The following TBC1D15 variants were observed in gnomAD, a reference collection of about 807,000 sequenced individuals.
TBC1D15 encodes TBC1 domain family member 15.
A neutral mutation model predicts 95.4 loss-of-function variants in TBC1D15; 39 were observed. The ratio of observed to expected loss-of-function variants is 0.41; its 90% confidence interval spans 0.32 to 0.53. The LOEUF is 0.53. Ranked by LOEUF, TBC1D15 falls within the 20% of genes least tolerant of loss-of-function variation. The pLI is 0.29. For missense variants in TBC1D15, 733 were observed against 794.3 expected, an observed-to-expected ratio of 0.92 and a Z score of 0.93; for synonymous variants, 258 against 261.3, an observed-to-expected ratio of 0.99 and a Z score of 0.12.
At chr12:71,911,287 G>A (rs1007688942) in intron 11 of TBC1D15, among the ~76,000 whole-genome samples, 9 of 152,036 alleles carry the variant, frequency 5.9e-5, no homozygotes, top group African/African-American at 1.9e-4. Context: ...ATACCCAAAG[G>A]ACTATAAATC....
intron 5 of TBC1D15, among the ~76,000 whole-genome samples, chr12:71,890,696 A>G (rs923654528): frequency 2.0e-5 from 3 of 152,064 alleles, no homozygotes; most frequent in African/African-American, 7.2e-5. Flanking sequence ...AGTCTCAACA[A>G]CCCGATCTAG....
At chr12:71,844,462 A>G (rs1885829546) in intron 1 of TBC1D15, among the ~76,000 whole-genome samples, 1 of 152,194 alleles carries the variant, frequency 6.6e-6, no homozygotes, top group Admixed American at 6.5e-5. Flanking sequence ...CTGCTTCCCT[A>G]TACCCTCTAC....
chr12:71,867,126 G>C (rs1449082165), intron 1 of TBC1D15, among the ~76,000 whole-genome samples: 1 of 152,156 alleles, frequency 6.6e-6, no homozygotes, highest in Non-Finnish European at 1.5e-5. Flanking sequence ...TGAGAGTAAG[G>C]GTTTTTGTTT....
intron 6 of TBC1D15, among the ~76,000 whole-genome samples, chr12:71,894,158 C>G (rs1366340930): frequency 6.6e-6 from 1 of 152,030 alleles, no homozygotes; most frequent in Non-Finnish European, 1.5e-5. Flanking sequence ...TCCAGGGTAG[C>G]ACTGTCCCAG....
intron 11 of TBC1D15, among the ~76,000 whole-genome samples, chr12:71,910,578 A>G (rs9668736): frequency 0.33 from 50,297 of 150,628 alleles, 10,215 homozygotes; most frequent in African/African-American, 0.58. Context: ...GGTCCTTCAC[A>G]TCCCTTGTAA....
intron 15 of TBC1D15, 30 bp from the exon 16 acceptor site, chr12:71,921,338 A>C (rs764880886): frequency 2.3e-6 from 3 of 1,322,342 alleles, no homozygotes; most frequent in Non-Finnish European, 3.2e-6. Context: ...TTCAGTTTCG[A>C]TATCATTTTA....
chr12:71,918,272 A>C (rs1904178729), intron 13 of TBC1D15, among the ~76,000 whole-genome samples, 179 bp from the exon 14 acceptor site: 1 of 152,204 alleles, frequency 6.6e-6, no homozygotes, highest in Non-Finnish European at 1.5e-5. Context: ...AAAATGTATT[A>C]TTTGTTAGTT....
intron 13 of TBC1D15, 76 bp downstream of exon 13, chr12:71,917,873 A>T (rs190284257): frequency 9.9e-7 from 1 of 1,012,138 alleles, no homozygotes; most frequent in African/African-American, 1.6e-5. Context: ...GAACTCTTTA[A>T]AGAAGCCAGG....
intron 10 of TBC1D15, among the ~76,000 whole-genome samples, chr12:71,902,524 A>G (rs1899635562): frequency 6.6e-6 from 1 of 152,184 alleles, no homozygotes; most frequent in African/African-American, 2.4e-5. Context: ...CTGGCTAGCT[A>G]TATGCAGAGG....
chr12:71,879,646 A>T (rs1014078438), intron 3 of TBC1D15, among the ~76,000 whole-genome samples: 7 of 152,194 alleles, frequency 4.6e-5, no homozygotes, highest in African/African-American at 1.7e-4. Flanking sequence ...CAAAAAATAG[A>T]AATCTGTCAA....
chr12:71,923,414 A>G lies in TBC1D15; in HGVS notation c.*210A>G, dbSNP rs1334416974. The G allele has an allele frequency of 4.2e-6, 2 of 479,660 alleles. No individual in the cohort carries two copies. Among genetic ancestry groups the G allele is most frequent in the Admixed American group, 7.4e-5 (2 of 26,848 alleles). The allele number at this position is 479,660 out of a possible 1,614,324, so 29.7% of individuals were successfully genotyped here. A position where few individuals can be genotyped will look rare whatever the true frequency, so the allele number is the denominator to read the frequency against. ...CAAATAGCCTTTCCTTTTCGATAAC[A>G]TTCCTCAGTATTTTTATAGCCAAGT... On this transcript the variant is annotated 3_prime_UTR_variant, in exon 17 of 17. Transcript: ENST00000485960.
In TBC1D15 at chr12:71,923,090, T is replaced by A. The variant is rs1360294980; in HGVS notation, c.1911T>A (p.Pro637=). ...EDENVVMTPC[P]TSAFQSNALP... ...AAAATGTTGTCATGACTCCTTGTCCTACATCTGCATTTCAAAGTAATGCCT... is the reference window on the plus strand; with the variant it reads ...AAAATGTTGTCATGACTCCTTGTCCAACATCTGCATTTCAAAGTAATGCCT... The change falls in exon 17 of 17, where the codon CCT becomes CCA. Residue 637 remains proline (P), a synonymous_variant. Coordinates refer to ENST00000485960, the MANE Select transcript of TBC1D15 (RefSeq NM_001146213.3). 1.2e-6 allele frequency: 2 copies of A among 1,614,212 alleles called. No homozygotes were observed. Among genetic ancestry groups the A allele is most frequent in the Non-Finnish European group, 8.5e-7 (1 of 1,180,036 alleles).
chr12:71,910,057 T>A (rs1901802326), intron 11 of TBC1D15, among the ~76,000 whole-genome samples: 1 of 152,068 alleles, frequency 6.6e-6, no homozygotes, highest in African/African-American at 2.4e-5. Flanking sequence ...AAGGAAGGGA[T>A]CCAGTTTCAG....
chr12:71,894,579 T>G (rs1298466855), intron 6 of TBC1D15, 107 bp from the exon 7 acceptor site: 1 of 1,139,574 alleles, frequency 8.8e-7, no homozygotes, highest in East Asian at 2.5e-5. Context: ...TCTGTTTTAG[T>G]CCTGATTTCT....
At chr12:71,880,358 C>A in intron 3 of TBC1D15, 111 bp from the exon 4 acceptor site, 2 of 816,512 alleles carry the variant, frequency 2.4e-6, no homozygotes, top group Non-Finnish European at 3.7e-6. Context: ...TCAGTTTTCC[C>A]ACCAGTGATG....
At chr12:71,867,372 G>A (rs1891714925) in intron 1 of TBC1D15, among the ~76,000 whole-genome samples, 1 of 152,144 alleles carries the variant, frequency 6.6e-6, no homozygotes, top group Non-Finnish European at 1.5e-5. Context: ...ATTTATCCAA[G>A]GAAAGACTGG....
chr12:71,870,296 A>G (rs1178395569), intron 1 of TBC1D15, among the ~76,000 whole-genome samples: 1 of 152,136 alleles, frequency 6.6e-6, no homozygotes, highest in Admixed American at 6.5e-5. Flanking sequence ...ACTGCTGTGA[A>G]TATTCTTATG....
chr12:71,903,026 G>A (rs1024257939), intron 10 of TBC1D15, among the ~76,000 whole-genome samples: 5 of 152,038 alleles, frequency 3.3e-5, no homozygotes, highest in African/African-American at 9.7e-5. Flanking sequence ...AATTCTCTGC[G>A]TCAGCCTCCC....
chr12:71,908,591 A>G lies in TBC1D15; in HGVS notation c.1300+1453A>G, dbSNP rs1219872071. Among the ~76,000 whole-genome samples, 5 of 152,190 alleles carry G rather than the reference A, an allele frequency of 3.3e-5. 1 individual carries two copies. The highest frequency in any genetic ancestry group is 1.3e-4 in the Admixed American group (2 of 15,274). On this transcript the variant is annotated intron_variant, in intron 11 of 16. Transcript: ENST00000485960. ...ATAATCTCTGTTTTGATCTTGAGGT[A>G]TCAGCCTCTTTGGTGACAGTAAGTC...
Sources: gnomAD v4.1 joint callset for allele counts (sites outside exome capture counted in the v4.1 genomes callset) on GRCh38, gnomAD v4.1.1 for gene constraint, MANE v1.5 for transcripts, NCBI Gene and HGNC (gene_info 2026-07-23, HGNC 2026-07-21) for gene names.